Variants in GRIK3 observed in about 807,000 individuals in gnomAD.
The protein encoded by GRIK3 is glutamate receptor ionotropic, kainate 3.
A neutral mutation model predicts 102.5 loss-of-function variants in GRIK3; 29 were observed. The ratio of observed to expected loss-of-function variants is 0.28; its 90% confidence interval spans 0.21 to 0.39. The LOEUF is 0.39. GRIK3 is among the 10% of genes least tolerant of loss of function. The probability of loss-of-function intolerance (pLI) is 1.00; values close to 1 mark genes in which losing one functional copy is unlikely to be tolerated. For synonymous variants in GRIK3, 511 were observed against 504.9 expected (o/e 1.01, Z -0.16); for missense variants, 908 against 1,252.4 (o/e 0.73, Z 4.15).
chr1:36,805,587 GC>G (rs1340484524), intron 14 of GRIK3, among the ~76,000 whole-genome samples: 2 of 152,162 alleles, frequency 1.3e-5, no homozygotes, highest in African/African-American at 4.8e-5. Flanking sequence ...CATTGCTCAG[GC>G]CAGGGCCACC....
At chr1:36,904,573 G>A (rs1277692155) in intron 1 of GRIK3, among the ~76,000 whole-genome samples, 1 of 152,052 alleles carries the variant, frequency 6.6e-6, no homozygotes, top group Admixed American at 6.6e-5. Context: ...TTATGGATAA[G>A]GTTTTTTACA....
chr1:36,994,584 T>C (rs981227901), intron 1 of GRIK3, among the ~76,000 whole-genome samples: 3 of 152,228 alleles, frequency 2.0e-5, no homozygotes, highest in Non-Finnish European at 4.4e-5. Context: ...GTGTCAGCTG[T>C]TACCTTCAGA....
At chr1:36,817,476 C>T (rs979927754) in intron 12 of GRIK3, among the ~76,000 whole-genome samples, 199 bp from the exon 13 acceptor site, 2 of 152,192 alleles carry the variant, frequency 1.3e-5, no homozygotes, top group Admixed American at 6.5e-5. Context: ...TTCTTGGGCC[C>T]TTCCCCAGCA....
intron 2 of GRIK3, among the ~76,000 whole-genome samples, chr1:36,883,234 G>A (rs1349087999): frequency 6.6e-6 from 1 of 152,194 alleles, no homozygotes; most frequent in Non-Finnish European, 1.5e-5. Flanking sequence ...AACGAAACAC[G>A]TCCTTTTCTC....
intron 1 of GRIK3, among the ~76,000 whole-genome samples, chr1:36,985,694 T>A (rs1642296810): frequency 6.6e-6 from 1 of 152,130 alleles, no homozygotes; most frequent in Non-Finnish European, 1.5e-5. Flanking sequence ...TATACAACAG[T>A]GACTGCTGAA....
intron 11 of GRIK3, among the ~76,000 whole-genome samples, chr1:36,822,331 A>C (rs1217507578): frequency 6.6e-6 from 1 of 152,214 alleles, no homozygotes; most frequent in Non-Finnish European, 1.5e-5. Flanking sequence ...TTGGCTATCA[A>C]ATGCCGTTAC....
intron 10 of GRIK3, among the ~76,000 whole-genome samples, chr1:36,837,358 C>T (rs1250229786): frequency 6.6e-6 from 1 of 152,204 alleles, no homozygotes; most frequent in African/African-American, 2.4e-5. Context: ...AGGACACCAT[C>T]ACCTCCTTAA....
intron 10 of GRIK3, among the ~76,000 whole-genome samples, chr1:36,831,226 A>G (rs377378362): frequency 5.9e-4 from 90 of 152,300 alleles, no homozygotes; most frequent in Admixed American, 1.9e-3. Flanking sequence ...CCAGTGTTGC[A>G]TTCCCAGAGA....
chr1:36,949,984 C>T (rs1273970566), intron 1 of GRIK3, among the ~76,000 whole-genome samples: 1 of 152,138 alleles, frequency 6.6e-6, no homozygotes, highest in African/African-American at 2.4e-5. Flanking sequence ...AATATCAGAG[C>T]CAGGATTTGA....
chr1:36,883,026 G>A (rs148813388), intron 2 of GRIK3, among the ~76,000 whole-genome samples: 2 of 152,292 alleles, frequency 1.3e-5, no homozygotes, highest in East Asian at 3.9e-4. Flanking sequence ...GAGGAGGCAG[G>A]ACAGAGCACC....
intron 13 of GRIK3, among the ~76,000 whole-genome samples, chr1:36,812,862 G>A (rs576975007): frequency 1.2e-4 from 18 of 152,288 alleles, no homozygotes; most frequent in African/African-American, 4.1e-4. Flanking sequence ...TTCAATACAG[G>A]CTGCCCACTC....
intron 1 of GRIK3, among the ~76,000 whole-genome samples, chr1:36,934,733 C>A (rs1003084840): frequency 3.9e-5 from 6 of 152,222 alleles, no homozygotes; most frequent in Admixed American, 3.9e-4. Flanking sequence ...AATGGAAACA[C>A]ATTTAATGTG....
rs140771599 is a variant in GRIK3 at position 36,883,680 on chromosome 1, C to T, written c.293-2789G>A. Reference sequence around the variant, plus strand: ...CCCTGGTCCCACTGACTCCTTGTCCCGGGAGGAGAGGCCAACCAGAGGAGG... The same window carrying T: ...CCCTGGTCCCACTGACTCCTTGTCCTGGGAGGAGAGGCCAACCAGAGGAGG... On this transcript the variant is annotated intron_variant, in intron 2 of 15. Coordinates refer to ENST00000373091, the MANE Select transcript of GRIK3 (RefSeq NM_000831.4). Among the ~76,000 whole-genome samples the T allele has an allele frequency of 3.5e-3, 528 of 152,214 alleles. 8 individuals are homozygous for T. The highest frequency in any genetic ancestry group is 0.012 in the African/African-American group (493 of 41,542).
chr1:37,007,517 C>G (rs1642545197), intron 1 of GRIK3, among the ~76,000 whole-genome samples: 1 of 152,182 alleles, frequency 6.6e-6, no homozygotes. Flanking sequence ...ACGAAATGAA[C>G]AAGGCTCAGG....
chr1:36,963,257 C>T (rs79227419), intron 1 of GRIK3, among the ~76,000 whole-genome samples: 15,953 of 152,134 alleles, frequency 0.1, 986 homozygotes, highest in African/African-American at 0.18. Context: ...TCCATAAGTA[C>T]GTCTGGGGGA....
At chr1:36,854,141 C>A (rs1241764932) in intron 7 of GRIK3, among the ~76,000 whole-genome samples, 1 of 152,156 alleles carries the variant, frequency 6.6e-6, no homozygotes, top group Non-Finnish European at 1.5e-5. Context: ...TGGCATAGCC[C>A]CCCGAAAGGC....
chr1:36,991,390 G>A (rs1642361927), intron 1 of GRIK3, among the ~76,000 whole-genome samples: 1 of 152,214 alleles, frequency 6.6e-6, no homozygotes, highest in African/African-American at 2.4e-5. Flanking sequence ...CAGGGCCAGA[G>A]TGAGGCAGTG....
intron 9 of GRIK3, chr1:36,849,820 T>TA: frequency 6.4e-6 from 1 of 155,652 alleles, no homozygotes; most frequent in South Asian, 2.0e-4. Flanking sequence ...AGATGGGGTG[T>TA]GATTCCAGGC....
At chr1:37,032,229 T>G (rs974294857) in intron 1 of GRIK3, among the ~76,000 whole-genome samples, 1 of 152,166 alleles carries the variant, frequency 6.6e-6, no homozygotes, top group South Asian at 2.1e-4. Context: ...CTTCCCAGCT[T>G]ATCCCTCTGA....
Sources: gnomAD v4.1 joint callset for allele counts (sites outside exome capture counted in the v4.1 genomes callset) on GRCh38, gnomAD v4.1.1 for gene constraint, MANE v1.5 for transcripts, NCBI Gene and HGNC (gene_info 2026-07-23, HGNC 2026-07-21) for gene names.